The following FBXO36 variants were observed in gnomAD, a reference collection of about 807,000 sequenced individuals.
FBXO36 encodes the protein F-box protein 36, also known as F-box only protein 36.
In FBXO36, 18 loss-of-function variants were observed where a neutral mutation model predicts 17.0. That is an observed-to-expected ratio of 1.06 (90% CI 0.73 to 1.57). The LOEUF (loss-of-function observed/expected upper bound fraction) is 1.57, where lower values mean the gene tolerates loss of function less well. Ranked by LOEUF, FBXO36 falls within the 40% of genes most tolerant of loss-of-function variation. The probability of loss-of-function intolerance (pLI) is 0.00; values close to 1 mark genes in which losing one functional copy is unlikely to be tolerated. For synonymous variants in FBXO36, 83 were observed against 85.3 expected, an observed-to-expected ratio of 0.97 and a Z score of 0.15; for missense variants, 229 against 221.9, an observed-to-expected ratio of 1.03 and a Z score of -0.20.
intron 1 of FBXO36, among the ~76,000 whole-genome samples, chr2:229,940,234 C>T (rs757180654): frequency 5.6e-4 from 85 of 152,096 alleles, no homozygotes; most frequent in Non-Finnish European, 1.1e-3. Context: ...AATAATTATT[C>T]CTAAATATGA....
chr2:229,987,571 T>G (rs1181972786), intron 2 of FBXO36, among the ~76,000 whole-genome samples: 1 of 152,154 alleles, frequency 6.6e-6, no homozygotes, highest in South Asian at 2.1e-4. Flanking sequence ...AAGTCTGGTT[T>G]GTTGTTCTTT....
intron 1 of FBXO36, among the ~76,000 whole-genome samples, chr2:229,955,650 C>T (rs943902024): frequency 2.0e-5 from 3 of 152,148 alleles, no homozygotes; most frequent in Non-Finnish European, 4.4e-5. Flanking sequence ...ACAATGCCCT[C>T]TGTGTTTGTG....
chr2:229,926,232 C>T (rs1204722384), intron 1 of FBXO36, among the ~76,000 whole-genome samples: 7 of 151,876 alleles, frequency 4.6e-5, no homozygotes, highest in Admixed American at 6.6e-5. Flanking sequence ...GAGCTCGAGA[C>T]CAGCCTGGCC....
At chr2:229,923,498 A>G (rs2076853008) in intron 1 of FBXO36, among the ~76,000 whole-genome samples, 1 of 152,170 alleles carries the variant, frequency 6.6e-6, no homozygotes, top group South Asian at 2.1e-4. Context: ...GTTTGTATAT[A>G]TTTGTTTTGG....
At chr2:229,937,614 AC>A (rs2076971016) in intron 1 of FBXO36, among the ~76,000 whole-genome samples, 1 of 152,176 alleles carries the variant, frequency 6.6e-6, no homozygotes, top group South Asian at 2.1e-4. Context: ...CTGCCTCGCC[AC>A]CCTGGCTCTC....
At chr2:229,981,732 G>A (rs1436021831) in intron 2 of FBXO36, among the ~76,000 whole-genome samples, 1 of 150,230 alleles carries the variant, frequency 6.7e-6, no homozygotes. Flanking sequence ...GAAAGAAAAA[G>A]GAAAAGAAAA....
At chr2:229,989,707 C>T (rs1325982567) in intron 2 of FBXO36, among the ~76,000 whole-genome samples, 1 of 150,042 alleles carries the variant, frequency 6.7e-6, no homozygotes, top group African/African-American at 2.5e-5. Context: ...ATTACAGGCA[C>T]CCACCACCAC....
chr2:229,930,768 G>T (rs2076934790), intron 1 of FBXO36, among the ~76,000 whole-genome samples: 1 of 152,028 alleles, frequency 6.6e-6, no homozygotes, highest in Admixed American at 6.6e-5. Flanking sequence ...ACAAAAGAGA[G>T]ATGCTTTACC....
chr2:229,943,953 A>C lies in FBXO36; in HGVS notation c.96+21344A>C, dbSNP rs151337989. ...CTTGCTGTTGTTGTGATAGTGAGTG[A>C]GTTCTCATGAGATCTGGTTGTTTAA... On this transcript the variant is annotated intron_variant, in intron 1 of 3. Transcript: ENST00000283946. Among the ~76,000 whole-genome samples, 908 of 152,154 alleles carry C rather than the reference A, an allele frequency of 6.0e-3. 6 individuals are homozygous for C. Among genetic ancestry groups the C allele is most frequent in the African/African-American group, 0.021 (853 of 41,508 alleles).
chr2:229,961,077 C>A (rs554748546), intron 1 of FBXO36, among the ~76,000 whole-genome samples: 1 of 152,102 alleles, frequency 6.6e-6, no homozygotes, highest in South Asian at 2.1e-4. Flanking sequence ...CCATTGCCCT[C>A]CAGCCTGGGC....
At chr2:229,941,221 C>T (rs1045815768) in intron 1 of FBXO36, among the ~76,000 whole-genome samples, 5 of 152,006 alleles carry the variant, frequency 3.3e-5, no homozygotes, top group African/African-American at 4.8e-5. Context: ...TTTGGGAGGC[C>T]GAGGCAGGCA....
At chr2:230,003,501 G>A (rs2077370874) in intron 3 of FBXO36, among the ~76,000 whole-genome samples, 1 of 150,390 alleles carries the variant, frequency 6.6e-6, no homozygotes, top group African/African-American at 2.4e-5. Flanking sequence ...CCTTGTGTTT[G>A]TTGTATCAAA....
chr2:229,994,171 T>G (rs1342979153), intron 2 of FBXO36, among the ~76,000 whole-genome samples: 4 of 152,186 alleles, frequency 2.6e-5, no homozygotes, highest in African/African-American at 9.7e-5. Context: ...ATTCAAAAAT[T>G]ATCTTCAATT....
chr2:229,988,505 C>A (rs879738367), intron 2 of FBXO36, among the ~76,000 whole-genome samples: 6 of 151,992 alleles, frequency 3.9e-5, no homozygotes, highest in Non-Finnish European at 5.9e-5. Flanking sequence ...TGGAGATATT[C>A]TTTGTTTTGT....
At chr2:229,953,109 G>A (rs1281524987) in intron 1 of FBXO36, among the ~76,000 whole-genome samples, 1 of 152,100 alleles carries the variant, frequency 6.6e-6, no homozygotes, top group African/African-American at 2.4e-5. Context: ...AGGCTGAGGC[G>A]AGTGAATCAC....
At chr2:229,998,351 G>A (rs751392350) in intron 3 of FBXO36, among the ~76,000 whole-genome samples, 34 of 151,906 alleles carry the variant, frequency 2.2e-4, no homozygotes, top group Middle Eastern at 3.4e-3. Flanking sequence ...GGCCGGGCGC[G>A]GTGGCTCATG....
At chr2:229,930,137 C>A (rs936937652) in intron 1 of FBXO36, among the ~76,000 whole-genome samples, 1 of 152,140 alleles carries the variant, frequency 6.6e-6, no homozygotes, top group Admixed American at 6.5e-5. Context: ...CACTCGAGGC[C>A]AGGAATTCAA....
intron 2 of FBXO36, among the ~76,000 whole-genome samples, chr2:229,980,294 C>T (rs932502037): frequency 1.4e-5 from 2 of 146,422 alleles, no homozygotes; most frequent in African/African-American, 4.9e-5. Context: ...CTCCTGGCCT[C>T]AAGTGATCTG....
rs909884154 is a variant in FBXO36 at position 229,973,837 on chromosome 2, A to G, written c.97-2404A>G. On this transcript the variant is annotated intron_variant, in intron 1 of 3. Coordinates refer to ENST00000283946, the MANE Select transcript of FBXO36 (RefSeq NM_174899.5). ...TGAGGTGGGCAGATCACTTGAGCCC[A>G]GGAGTTTGAGACCAGCCTGGGCAAC... is the stretch of plus-strand genomic sequence containing the variant. Among the ~76,000 whole-genome samples, 9 of 152,224 alleles carry G rather than the reference A, an allele frequency of 5.9e-5. No individual in the cohort carries two copies. The East Asian group carries it at 1.7e-3, about 29-fold the overall frequency.
Sources: allele counts gnomAD v4.1 joint callset (sites outside exome capture counted in the v4.1 genomes callset), GRCh38; gene constraint gnomAD v4.1.1; transcripts MANE v1.5; gene names NCBI Gene and HGNC (gene_info 2026-07-23, HGNC 2026-07-21).